RAD51B: variants seen among roughly 807,000 people sequenced by gnomAD.
RAD51B encodes RAD51 paralog B.
A neutral mutation model predicts 42.2 loss-of-function variants in RAD51B; 38 were observed. That is an observed-to-expected ratio of 0.90 (90% CI 0.70 to 1.18). The LOEUF (loss-of-function observed/expected upper bound fraction) is 1.18. Ranked by LOEUF, RAD51B falls within the 50% of genes most tolerant of loss-of-function variation. The probability of loss-of-function intolerance (pLI) is 0.00; values close to 1 mark genes in which losing one functional copy is unlikely to be tolerated. For missense variants in RAD51B, 373 were observed against 400.7 expected (o/e 0.93, Z 0.59); for synonymous variants, 154 against 145.2 (o/e 1.06, Z -0.43).
chr14:68,107,378 T>G lies in RAD51B; in HGVS notation c.757-184506T>G, dbSNP rs551746319. 2.0e-5 allele frequency among the ~76,000 whole-genome samples: 3 copies of G among 151,976 alleles called. No individual in the cohort carries two copies. In the South Asian group the frequency reaches 6.2e-4, roughly 31 times the overall value. On this transcript the variant is annotated intron_variant, in intron 7 of 10. Coordinates refer to ENST00000471583, the MANE Select transcript of RAD51B (RefSeq NM_133510.4). ...TAAATAAATGGAAAGATGTCATATA[T>G]TCATGAATCAGGAGACTTAATATTG... is the stretch of plus-strand genomic sequence containing the variant.
intron 7 of RAD51B, among the ~76,000 whole-genome samples, chr14:68,053,149 T>C (rs2076421040): frequency 6.6e-6 from 1 of 152,218 alleles, no homozygotes; most frequent in African/African-American, 2.4e-5. Context: ...GCCTTTTAAA[T>C]ACTGATTAGT....
At chr14:68,638,980 A>ATATTG (rs770891899) in intron 10 of RAD51B, among the ~76,000 whole-genome samples, 3 of 152,098 alleles carry the variant, frequency 2.0e-5, no homozygotes, top group Non-Finnish European at 4.4e-5. Flanking sequence ...GGAGCCTGAG[A>ATATTG]TATTGTCCTT....
intron 10 of RAD51B, chr14:68,497,146 G>C: frequency 3.6e-6 from 5 of 1,399,606 alleles, no homozygotes; most frequent in Admixed American, 2.0e-5. Flanking sequence ...CCTAGAGACA[G>C]ATAAATGTGC....
intron 9 of RAD51B, among the ~76,000 whole-genome samples, chr14:68,435,494 T>C (rs1007936676): frequency 4.3e-5 from 4 of 93,884 alleles, no homozygotes; most frequent in Non-Finnish European, 8.2e-5. Flanking sequence ...GGTTTTTGGT[T>C]TTTTTTTTTT....
At chr14:68,388,096 T>TATATATATATATATA (rs33934376) in intron 8 of RAD51B, among the ~76,000 whole-genome samples, 1 of 92,104 alleles carries the variant, frequency 1.1e-5, no homozygotes. Flanking sequence ...ATATATATAT[T>TATATATATATATATA]TTTTTTTTTT....
chr14:68,402,049 C>A (rs1187373703), intron 8 of RAD51B, among the ~76,000 whole-genome samples: 1 of 152,148 alleles, frequency 6.6e-6, no homozygotes, highest in African/African-American at 2.4e-5. Flanking sequence ...AAGTAGAATG[C>A]ACCCTAAATA....
chr14:67,828,099 CCCA>C (rs140620011), intron 3 of RAD51B, among the ~76,000 whole-genome samples: 48,986 of 151,800 alleles, frequency 0.32, 8,196 homozygotes, highest in Middle Eastern at 0.45. Flanking sequence ...AATTTACACT[CCCA>C]CCAACAGTGT....
intron 7 of RAD51B, among the ~76,000 whole-genome samples, chr14:67,899,994 C>T (rs1372126715): frequency 6.6e-6 from 1 of 152,204 alleles, no homozygotes; most frequent in Admixed American, 6.5e-5. Flanking sequence ...ATTCTATTCC[C>T]TTGCTGCTTA....
At chr14:68,386,325 A>G (rs756652549) in intron 8 of RAD51B, among the ~76,000 whole-genome samples, 18 of 152,212 alleles carry the variant, frequency 1.2e-4, no homozygotes, top group Non-Finnish European at 1.8e-4. Flanking sequence ...AAACAGCTCC[A>G]TAGACAATTG....
At chr14:68,408,425 G>C (rs1473318404) in intron 8 of RAD51B, among the ~76,000 whole-genome samples, 1 of 152,190 alleles carries the variant, frequency 6.6e-6, no homozygotes, top group African/African-American at 2.4e-5. Context: ...TGCAGTTCTT[G>C]TGGTTAAAAG....
chr14:67,930,664 C>T (rs1337489511), intron 7 of RAD51B, among the ~76,000 whole-genome samples: 1 of 152,110 alleles, frequency 6.6e-6, no homozygotes, highest in African/African-American at 2.4e-5. Context: ...TACAATGTGT[C>T]ATGGAGAAGA....
chr14:67,922,881 G>A (rs2044372758), intron 7 of RAD51B, among the ~76,000 whole-genome samples: 1 of 152,042 alleles, frequency 6.6e-6, no homozygotes, highest in South Asian at 2.1e-4. Flanking sequence ...TAGTAGAGAC[G>A]AGGTTTCGCC....
At chr14:68,163,685 T>C (rs1290166995) in intron 7 of RAD51B, among the ~76,000 whole-genome samples, 1 of 152,228 alleles carries the variant, frequency 6.6e-6, no homozygotes, top group Non-Finnish European at 1.5e-5. Context: ...TGTTTCTTAA[T>C]TCATATCCTC....
At chr14:68,108,779 C>T (rs1422587236) in intron 7 of RAD51B, among the ~76,000 whole-genome samples, 1 of 151,868 alleles carries the variant, frequency 6.6e-6, no homozygotes, top group African/African-American at 2.4e-5. Flanking sequence ...TGAGTAATAT[C>T]TCAATAAAAT....
intron 7 of RAD51B, among the ~76,000 whole-genome samples, chr14:68,073,691 G>A (rs1427200232): frequency 6.6e-6 from 1 of 152,088 alleles, no homozygotes; most frequent in Non-Finnish European, 1.5e-5. Flanking sequence ...CTCCCTTAAA[G>A]ATGCAAGGAC....
intron 8 of RAD51B, among the ~76,000 whole-genome samples, chr14:68,294,081 C>T (rs1206916390): frequency 6.6e-6 from 1 of 152,198 alleles, no homozygotes; most frequent in Non-Finnish European, 1.5e-5. Context: ...GAGTAAACTG[C>T]TTCCTTATTT....
chr14:68,001,660 G>C, intron 7 of RAD51B, among the ~76,000 whole-genome samples: 1 of 152,048 alleles, frequency 6.6e-6, no homozygotes, highest in Non-Finnish European at 1.5e-5. Context: ...ATTAAGCCCA[G>C]CATCTGTTAG....
In RAD51B at chr14:68,586,371, G is replaced by A. The variant is rs10143789; in HGVS notation, c.1037-8114G>A. ...ACACACCTTTATTTTTTACCAAGGC[G>A]AACATTTGCGGTGCGCCCAAGAACC... On this transcript the variant is annotated intron_variant, in intron 10 of 10. Transcript: ENST00000487270. 2.4e-3 allele frequency among the ~76,000 whole-genome samples: 362 copies of A among 152,266 alleles called. 2 individuals carry two copies. Among genetic ancestry groups the A allele is most frequent in the African/African-American group, 8.4e-3 (347 of 41,552 alleles).
Position 68,477,775 on chromosome 14 carries a change from T to C in RAD51B, c.*111T>C. ...AGCTGACATAATGGGGATTAATTAG[T>C]TGATTGCTGTTGAGATGGTAACAGA... On this transcript the variant is annotated 3_prime_UTR_variant, in exon 11 of 11. Coordinates refer to ENST00000471583, the MANE Select transcript of RAD51B (RefSeq NM_133510.4). 1 of 1,549,320 alleles carries C rather than the reference T, an allele frequency of 6.5e-7. No homozygotes were observed. The highest frequency in any genetic ancestry group is 8.7e-7 in the Non-Finnish European group (1 of 1,152,930).
Sources: allele counts gnomAD v4.1 joint callset (sites outside exome capture counted in the v4.1 genomes callset), GRCh38; gene constraint gnomAD v4.1.1; transcripts MANE v1.5; gene names NCBI Gene and HGNC (gene_info 2026-07-23, HGNC 2026-07-21).